The following MAPK10 variants were observed in gnomAD, a reference collection of about 807,000 sequenced individuals.
MAPK10 encodes mitogen-activated protein kinase 10, also known as JNK3 alpha protein kinase.
MAPK10 carries 25 observed loss-of-function variants against 59.3 expected under a neutral mutation model. That is an observed-to-expected ratio of 0.42 (90% CI 0.31 to 0.59). MAPK10 has a LOEUF of 0.59. Ranked by LOEUF, MAPK10 falls within the 20% of genes least tolerant of loss-of-function variation. MAPK10 has a pLI of 0.15. For missense variants in MAPK10, 351 were observed against 568.9 expected, an observed-to-expected ratio of 0.62 and a Z score of 3.90; for synonymous variants, 190 against 200.5, an observed-to-expected ratio of 0.95 and a Z score of 0.44.
At chr4:86,531,673 T>A (rs1236324568) in intron 1 of MAPK10, among the ~76,000 whole-genome samples, 1 of 152,034 alleles carries the variant, frequency 6.6e-6, no homozygotes, top group Non-Finnish European at 1.5e-5. Context: ...AGGGGAAGCA[T>A]CTCCAATGTG....
chr4:86,315,274 G>T (rs758592421), intron 2 of MAPK10, among the ~76,000 whole-genome samples: 5 of 151,944 alleles, frequency 3.3e-5, no homozygotes, highest in Non-Finnish European at 7.4e-5. Context: ...GGGCATGGAG[G>T]GGGTGGTTAA....
At chr4:86,455,369 C>T (rs72663992), upstream of MAPK10, among the ~76,000 whole-genome samples, 12,715 of 152,134 alleles carry the variant, frequency 0.084, 708 homozygotes, top group Non-Finnish European at 0.12. Flanking sequence ...ATTCACCAGC[C>T]AACTAGAGAC....
intron 1 of MAPK10, among the ~76,000 whole-genome samples, chr4:86,418,787 A>T (rs1012617880): frequency 6.6e-6 from 1 of 152,230 alleles, no homozygotes; most frequent in African/African-American, 2.4e-5. Flanking sequence ...CCATCAGCCA[A>T]CAAGTGGATA....
At chr4:86,104,350 A>G (rs1324514373) in intron 5 of MAPK10, among the ~76,000 whole-genome samples, 3 of 152,138 alleles carry the variant, frequency 2.0e-5, no homozygotes, top group Non-Finnish European at 4.4e-5. Flanking sequence ...CATCTCTTCT[A>G]AAGCAACCTT....
intron 2 of MAPK10, among the ~76,000 whole-genome samples, chr4:86,199,052 G>A (rs2082039972): frequency 6.6e-6 from 1 of 152,078 alleles, no homozygotes; most frequent in East Asian, 1.9e-4. Flanking sequence ...TTTGGAAGGA[G>A]GTTGATTTGA....
intron 1 of MAPK10, among the ~76,000 whole-genome samples, chr4:86,485,590 G>A (rs1753926964): frequency 6.6e-6 from 1 of 152,318 alleles, no homozygotes; most frequent in South Asian, 2.1e-4. Flanking sequence ...GAGTCTTAAT[G>A]AGTTTCAAAA....
intron 2 of MAPK10, among the ~76,000 whole-genome samples, chr4:86,206,464 G>A (rs1582789350): frequency 6.6e-6 from 1 of 152,000 alleles, no homozygotes; most frequent in African/African-American, 2.4e-5. Flanking sequence ...ATTTGGGTTG[G>A]TTCCAAGTCT....
intron 2 of MAPK10, among the ~76,000 whole-genome samples, chr4:86,221,499 A>G (rs1456046509): frequency 6.6e-6 from 1 of 151,876 alleles, no homozygotes; most frequent in East Asian, 1.9e-4. Flanking sequence ...TTTTATAAAA[A>G]CAGGGTCTGG....
At chr4:86,297,093 T>G (rs2095379134) in intron 2 of MAPK10, among the ~76,000 whole-genome samples, 1 of 152,166 alleles carries the variant, frequency 6.6e-6, no homozygotes, top group African/African-American at 2.4e-5. Context: ...TCGGTGAGGC[T>G]AGTACTGCTG....
chr4:86,536,218 A>G (rs1238043635), intron 1 of MAPK10, among the ~76,000 whole-genome samples: 1 of 152,262 alleles, frequency 6.6e-6, no homozygotes, highest in African/African-American at 2.4e-5. Flanking sequence ...AGTTTCTTAC[A>G]TAATACTTAT....
chr4:86,461,338 G>T (rs964604836), intron 1 of MAPK10, among the ~76,000 whole-genome samples: 3 of 152,178 alleles, frequency 2.0e-5, no homozygotes, highest in Admixed American at 1.3e-4. Flanking sequence ...AAGGCACAGG[G>T]TCTGGAGGGG....
intron 1 of MAPK10, among the ~76,000 whole-genome samples, chr4:86,579,520 CA>C (rs1762119664): frequency 7.6e-6 from 1 of 131,966 alleles, no homozygotes; most frequent in Non-Finnish European, 1.7e-5. Flanking sequence ...TGTGTATACA[CA>C]CACACACACA....
chr4:86,329,407 G>C (rs1229721298), intron 2 of MAPK10, among the ~76,000 whole-genome samples: 4 of 151,994 alleles, frequency 2.6e-5, no homozygotes, highest in African/African-American at 9.7e-5. Flanking sequence ...TATTATTATA[G>C]AGATTAAAAC....
At chr4:86,031,475 A>G in intron 11 of MAPK10, 44 bp from the exon 12 acceptor site, 1 of 1,331,582 alleles carries the variant, frequency 7.5e-7, no homozygotes, top group Non-Finnish European at 1.1e-6. Context: ...GATAATGTAA[A>G]CATAACTAAA....
At chr4:86,427,173 C>T (rs571047134) in intron 1 of MAPK10, among the ~76,000 whole-genome samples, 1 of 146,470 alleles carries the variant, frequency 6.8e-6, no homozygotes, top group South Asian at 2.2e-4. Flanking sequence ...AGGAGAATGG[C>T]GTGAACCCGG....
chr4:86,457,087 G>T (rs1751302524), upstream of MAPK10, among the ~76,000 whole-genome samples: 2 of 152,112 alleles, frequency 1.3e-5, no homozygotes, highest in South Asian at 4.1e-4. Context: ...TGCAGCAAAA[G>T]CATTTGACAA....
At chr4:86,215,067 T>C (rs937465197) in intron 2 of MAPK10, among the ~76,000 whole-genome samples, 4 of 152,150 alleles carry the variant, frequency 2.6e-5, no homozygotes, top group Non-Finnish European at 5.9e-5. Context: ...GACTGATGTA[T>C]AGATCAATGA....
At chr4:86,174,611 T>C (rs909951055) in intron 3 of MAPK10, among the ~76,000 whole-genome samples, 2 of 152,156 alleles carry the variant, frequency 1.3e-5, no homozygotes, top group African/African-American at 4.8e-5. Flanking sequence ...TAAAATTAAA[T>C]TAAATTTTTT....
chr4:86,359,288 C>CTGTG (rs1554248575), intron 1 of MAPK10, among the ~76,000 whole-genome samples: 32 of 94,600 alleles, frequency 3.4e-4, no homozygotes, highest in African/African-American at 1.2e-3. Context: ...CTCTCTCTCT[C>CTGTG]TGTGTGTGTG....
Sources: allele counts gnomAD v4.1 joint callset (sites outside exome capture counted in the v4.1 genomes callset), GRCh38; gene constraint gnomAD v4.1.1; transcripts MANE v1.5; gene names NCBI Gene and HGNC (gene_info 2026-07-23, HGNC 2026-07-21).